SCTR: variants seen among roughly 807,000 people sequenced by gnomAD.
SCTR encodes pancreatic secretin receptor.
In SCTR, 56 loss-of-function variants were observed where a neutral mutation model predicts 60.8. The observed-to-expected ratio is 0.92, with a 90% CI of 0.74 to 1.15. The LOEUF is 1.15. Among genes scored for constraint, SCTR ranks in the 50% most tolerant of loss-of-function variants. The probability of loss-of-function intolerance (pLI) is 0.00; values close to 1 mark genes in which losing one functional copy is unlikely to be tolerated. For synonymous variants in SCTR, 202 were observed against 217.0 expected (o/e 0.93, Z 0.61); for missense variants, 562 against 550.4 (o/e 1.02, Z -0.21).
At chr2:119,474,457 G>A (rs17016220) in intron 3 of SCTR, among the ~76,000 whole-genome samples, 2,138 of 152,268 alleles carry the variant, frequency 0.014, 42 homozygotes, top group African/African-American at 0.046. Context: ...GAATGGCCTC[G>A]CTGAATTCTG....
chr2:119,451,331 C>G (rs554840247), intron 9 of SCTR, among the ~76,000 whole-genome samples: 1 of 152,298 alleles, frequency 6.6e-6, no homozygotes, highest in Non-Finnish European at 1.5e-5. Context: ...GGCTGGGCTA[C>G]AGGACTCTAC....
At chr2:119,476,052 C>T (rs1385834368) in intron 3 of SCTR, among the ~76,000 whole-genome samples, 4 of 152,122 alleles carry the variant, frequency 2.6e-5, no homozygotes, top group African/African-American at 9.7e-5. Context: ...TGGACCCCAC[C>T]CCTCCTGTCA....
chr2:119,517,543 T>C (rs1679153485), intron 1 of SCTR, among the ~76,000 whole-genome samples: 1 of 152,196 alleles, frequency 6.6e-6, no homozygotes, highest in Admixed American at 6.5e-5. Context: ...GGCTGGTTTC[T>C]GTGGGTGGAG....
chr2:119,451,515 G>A lies in SCTR; in HGVS notation c.921+495C>T, dbSNP rs150700527. Among the ~76,000 whole-genome samples the A allele has an allele frequency of 1.1e-3, 172 of 152,248 alleles. 1 individual carries two copies. Among genetic ancestry groups the A allele is most frequent in the Non-Finnish European group, 1.9e-3 (131 of 68,012 alleles). On this transcript the variant is annotated intron_variant, in intron 9 of 12. Transcript: ENST00000019103. Reference sequence around the variant, plus strand: ...ATGGTCACCCAGCATCTCTTCCCTGGGGCCGCCCCTCCAGGCCTGAGCCCA... The same window carrying A: ...ATGGTCACCCAGCATCTCTTCCCTGAGGCCGCCCCTCCAGGCCTGAGCCCA...
intron 4 of SCTR, among the ~76,000 whole-genome samples, chr2:119,471,717 T>C (rs1401393687): frequency 6.6e-6 from 1 of 152,186 alleles, no homozygotes; most frequent in African/African-American, 2.4e-5. Flanking sequence ...GTTTAGCTAA[T>C]GGGACCTGCT....
intron 7 of SCTR, 104 bp from the exon 8 acceptor site, chr2:119,453,451 G>T (rs1013564494): frequency 9.0e-6 from 8 of 884,032 alleles, no homozygotes; most frequent in Admixed American, 4.0e-5. Flanking sequence ...TACTGAGCAG[G>T]TGCCAAGATT....
intron 2 of SCTR, among the ~76,000 whole-genome samples, chr2:119,481,940 T>C (rs1677627972): frequency 6.6e-6 from 1 of 152,122 alleles, no homozygotes; most frequent in Non-Finnish European, 1.5e-5. Flanking sequence ...GCCCTGTGCG[T>C]CCCACACTTG....
At chr2:119,495,194 G>T (rs556351223) in intron 1 of SCTR, among the ~76,000 whole-genome samples, 2 of 152,302 alleles carry the variant, frequency 1.3e-5, no homozygotes, top group East Asian at 3.9e-4. Context: ...GTCTCTCTAT[G>T]TTGCCCAGAC....
At chr2:119,513,109 A>T (rs1679008826) in intron 1 of SCTR, among the ~76,000 whole-genome samples, 4 of 152,012 alleles carry the variant, frequency 2.6e-5, no homozygotes, top group African/African-American at 9.7e-5. Flanking sequence ...CTATGAGTGG[A>T]CTCTCCTCAG....
intron 2 of SCTR, chr2:119,484,603 A>C (rs1387042227): frequency 7.9e-6 from 1 of 126,888 alleles, no homozygotes; most frequent in Admixed American, 8.0e-5. Context: ...GAGAGAATTA[A>C]ATGATATGTG....
At chr2:119,467,449 T>C (rs1307914840) in intron 4 of SCTR, among the ~76,000 whole-genome samples, 1 of 151,498 alleles carries the variant, frequency 6.6e-6, no homozygotes, top group Admixed American at 6.6e-5. Context: ...GGAATAAAAA[T>C]TAAAAGAATA....
intron 1 of SCTR, among the ~76,000 whole-genome samples, chr2:119,497,677 T>G (rs1018347726): frequency 6.6e-5 from 10 of 151,502 alleles, no homozygotes; most frequent in South Asian, 2.1e-4. Flanking sequence ...TAAAGAAGAA[T>G]CAAATGGAAA....
intron 4 of SCTR, among the ~76,000 whole-genome samples, chr2:119,470,311 A>G (rs1029796399): frequency 1.3e-5 from 2 of 152,226 alleles, no homozygotes; most frequent in Non-Finnish European, 2.9e-5. Flanking sequence ...CAACTAATAC[A>G]TACCTTCACC....
intron 7 of SCTR, among the ~76,000 whole-genome samples, chr2:119,456,062 T>A (rs1044383905): frequency 1.8e-4 from 21 of 115,878 alleles, no homozygotes; most frequent in Non-Finnish European, 3.1e-4. Context: ...ATTTTTCAAC[T>A]TTTTTTTTTT....
intron 2 of SCTR, among the ~76,000 whole-genome samples, chr2:119,492,279 GTCTGGTGAAACCAGTGTA>G (rs1678159780): frequency 6.6e-6 from 1 of 152,162 alleles, no homozygotes; most frequent in Non-Finnish European, 1.5e-5. Flanking sequence ...ATAAATTCCT[GTCTGGTGAAACCAGTGTA>G]TCAGGCTCCT....
chr2:119,478,758 C>A lies in SCTR; in HGVS notation c.301+53G>T, dbSNP rs569494379. 13 of 1,581,830 alleles carry A rather than the reference C, an allele frequency of 8.2e-6. 1 individual carries two copies. The South Asian group carries it at 9.0e-5, about 11-fold the overall frequency. ...TCCTGCCTCTAAGCTGAGGCCCCAC[C>A]CAGAGGGACACCCCTCAGCCTGTCC... On this transcript the variant is annotated intron_variant, in intron 3 of 12. Coordinates refer to ENST00000019103, the MANE Select transcript of SCTR (RefSeq NM_002980.3).
chr2:119,512,901 C>T (rs998871214), intron 1 of SCTR, among the ~76,000 whole-genome samples: 14 of 152,200 alleles, frequency 9.2e-5, no homozygotes, highest in Non-Finnish European at 1.6e-4. Context: ...AAGTTTGTCT[C>T]CTCTTGTCTA....
At chr2:119,453,482 C>T (rs1467717226) in intron 7 of SCTR, 135 bp from the exon 8 acceptor site, 17 of 704,956 alleles carry the variant, frequency 2.4e-5, no homozygotes, top group Non-Finnish European at 3.8e-5. Context: ...AGAAACCCCT[C>T]TGCCATCTTG....
intron 12 of SCTR, 28 bp from the exon 13 acceptor site, chr2:119,440,285 G>A: frequency 1.1e-5 from 17 of 1,603,000 alleles, no homozygotes; most frequent in Non-Finnish European, 1.4e-5. Flanking sequence ...CATCAGCCCA[G>A]GAGGAGAGGA....
Sources: gnomAD v4.1 joint callset for allele counts (sites outside exome capture counted in the v4.1 genomes callset) on GRCh38, gnomAD v4.1.1 for gene constraint, MANE v1.5 for transcripts, NCBI Gene and HGNC (gene_info 2026-07-23, HGNC 2026-07-21) for gene names.